MAP3K19: variants seen among roughly 807,000 people sequenced by gnomAD.
The protein encoded by MAP3K19 is mitogen-activated protein kinase kinase kinase 19, also known as SPS1/STE20-related protein kinase YSK4.
In MAP3K19, 91 loss-of-function variants were observed where a neutral mutation model predicts 114.4. The observed-to-expected ratio is 0.80, with a 90% confidence interval of 0.67 to 0.95. The LOEUF (loss-of-function observed/expected upper bound fraction) is 0.95. Among genes scored for constraint, MAP3K19 ranks in the 40% least tolerant of loss-of-function variants. MAP3K19 has a pLI of 0.00. For synonymous variants in MAP3K19, 518 were observed against 530.5 expected (o/e 0.98, Z 0.32); for missense variants, 1,471 against 1,573.2 (o/e 0.94, Z 1.10).
rs1339395601 is a variant in MAP3K19, at chr2:134,999,081, T to C, written c.315-84A>G. On this transcript the variant is annotated intron_variant, in intron 7 of 12. Coordinates refer to ENST00000392915, the MANE Select transcript of MAP3K19 (RefSeq NM_025052.5). The surrounding 1 kb of genome is among the most constrained non-coding windows in gnomAD (Gnocchi z 4.1). ...AGTCCTCAGTTCAGCCTGACATCAC[T>C]AGAAAGTTTGAAGAACTACTTCCAA... 1.4e-6 allele frequency: 2 copies of C among 1,456,790 alleles called. No homozygotes were observed. The highest frequency in any genetic ancestry group is 2.1e-5 in the Admixed American group (1 of 46,850). 90.2% of individuals were successfully genotyped at this position (1,456,790 alleles called of 1,614,324 possible). A position where few individuals can be genotyped will look rare whatever the true frequency, so the allele number is the denominator to read the frequency against.
intron 5 of MAP3K19, among the ~76,000 whole-genome samples, chr2:135,018,155 G>T (rs1352063144): frequency 3.3e-5 from 5 of 151,956 alleles, no homozygotes; most frequent in Non-Finnish European, 1.5e-5. Context: ...GCCGGGCATG[G>T]TGGCCCATGC....
At chr2:135,039,980 CCT>C (rs753786005) in intron 2 of MAP3K19, among the ~76,000 whole-genome samples, 6 of 152,122 alleles carry the variant, frequency 3.9e-5, no homozygotes, top group South Asian at 2.1e-4. Context: ...CGTATTTACC[CCT>C]GTTTCCCTAC....
At chr2:135,025,749 T>C (rs1688236795) in intron 3 of MAP3K19, among the ~76,000 whole-genome samples, 1 of 152,174 alleles carries the variant, frequency 6.6e-6, no homozygotes, top group African/African-American at 2.4e-5. Context: ...CTGGCTGATC[T>C]TAGGACCATT....
intron 6 of MAP3K19, 126 bp from the exon 7 acceptor site, chr2:135,000,141 G>A: frequency 4.5e-6 from 3 of 667,994 alleles, no homozygotes; most frequent in Non-Finnish European, 8.0e-6. Context: ...TTAATCAGGA[G>A]CTGAGGTTTA....
chr2:135,039,309 G>A (rs1688599698), intron 2 of MAP3K19, among the ~76,000 whole-genome samples: 1 of 152,080 alleles, frequency 6.6e-6, no homozygotes, highest in African/African-American at 2.4e-5. Flanking sequence ...CTGGCCAGGT[G>A]CAGTGGCCCA....
At chr2:134,984,767 G>A (rs542652512) in intron 10 of MAP3K19, among the ~76,000 whole-genome samples, 1 of 152,146 alleles carries the variant, frequency 6.6e-6, no homozygotes, top group South Asian at 2.1e-4. Context: ...GCCTGGCCAA[G>A]ATGGTGAAAT....
At chr2:135,045,276 T>C (rs1460353396) in intron 1 of MAP3K19, among the ~76,000 whole-genome samples, 1 of 152,206 alleles carries the variant, frequency 6.6e-6, no homozygotes, top group African/African-American at 2.4e-5. Context: ...ATTATCTTAA[T>C]CATTAGCATT....
At chr2:135,033,691 G>A (rs1239927521) in intron 2 of MAP3K19, among the ~76,000 whole-genome samples, 3 of 84,012 alleles carry the variant, frequency 3.6e-5, no homozygotes, top group African/African-American at 1.6e-4. Flanking sequence ...GCGGCCGGCC[G>A]GGGGGGCTAA....
chr2:135,031,937 A>C (rs974202373), intron 2 of MAP3K19, among the ~76,000 whole-genome samples: 11 of 152,196 alleles, frequency 7.2e-5, no homozygotes, highest in Non-Finnish European at 1.3e-4. Flanking sequence ...TGTCTGAAGC[A>C]ATGGAACAGC....
In MAP3K19 at chr2:134,986,272, T is replaced by C; in HGVS notation, c.2600A>G (p.Tyr867Cys). The C allele has an allele frequency of 1.9e-6, 3 of 1,614,094 alleles. No individual in the cohort carries two copies. Among genetic ancestry groups the C allele is most frequent in the Middle Eastern group, 1.6e-4 (1 of 6,062 alleles). Residue 867 changes from tyrosine (Y) to cysteine (C), a missense_variant, in exon 10 of 13, where the codon TAT becomes TGT. Coordinates refer to ENST00000392915, the MANE Select transcript of MAP3K19 (RefSeq NM_025052.5). ...TGTATTCTGCTTTTCTTGCTGTACA[T>C]ACTTGTTAGAATTCTTCTCACTGGG... Reference protein sequence around the residue: ...AVPSEKNSNKYVQQEKQNTAS... With the variant: ...AVPSEKNSNKCVQQEKQNTAS...
chr2:135,013,192 T>C (rs1687353465), intron 5 of MAP3K19, among the ~76,000 whole-genome samples: 1 of 151,844 alleles, frequency 6.6e-6, no homozygotes, highest in Admixed American at 6.6e-5. Context: ...TGGTGGTGCA[T>C]GCCTGTAACC....
chr2:135,031,467 GAGA>G (rs991379765), intron 2 of MAP3K19, among the ~76,000 whole-genome samples: 7 of 152,190 alleles, frequency 4.6e-5, no homozygotes, highest in African/African-American at 1.7e-4. Context: ...AGAAAAGGAA[GAGA>G]AGGAGATGTG....
chr2:134,983,490 C>A, intron 11 of MAP3K19, 186 bp downstream of exon 11: 2 of 600,552 alleles, frequency 3.3e-6, no homozygotes, highest in South Asian at 2.0e-5. Flanking sequence ...ACCTTTCAGT[C>A]GGATAAAGCA....
At chr2:135,011,938 T>C (rs932389091) in intron 5 of MAP3K19, among the ~76,000 whole-genome samples, 1 of 152,216 alleles carries the variant, frequency 6.6e-6, no homozygotes, top group African/African-American at 2.4e-5. Context: ...TGTATTAATA[T>C]GAAGTGATAT....
At chr2:135,035,166 G>A (rs1688499811) in intron 2 of MAP3K19, among the ~76,000 whole-genome samples, 1 of 152,098 alleles carries the variant, frequency 6.6e-6, no homozygotes, top group African/African-American at 2.4e-5. Context: ...GGAGGCCGAA[G>A]CAGGTGGATC....
intron 8 of MAP3K19, among the ~76,000 whole-genome samples, chr2:134,996,795 G>A (rs996487803): frequency 6.6e-6 from 1 of 152,192 alleles, no homozygotes; most frequent in African/African-American, 2.4e-5. Flanking sequence ...AGCACTTTGG[G>A]AGGCCAAGAT....
chr2:135,036,990 T>G (rs1036906949), intron 2 of MAP3K19, among the ~76,000 whole-genome samples: 2 of 137,770 alleles, frequency 1.5e-5, no homozygotes, highest in African/African-American at 6.5e-5. Context: ...GATAAACCAG[T>G]AAAACATTCT....
chr2:135,021,405 C>A (rs1236901121), intron 5 of MAP3K19, among the ~76,000 whole-genome samples: 1 of 151,776 alleles, frequency 6.6e-6, no homozygotes, highest in African/African-American at 2.4e-5. Flanking sequence ...AAATAAATTT[C>A]TGTTTATAAG....
chr2:135,029,012 C>A (rs1447085806), intron 3 of MAP3K19, among the ~76,000 whole-genome samples: 1 of 152,118 alleles, frequency 6.6e-6, no homozygotes, highest in Non-Finnish European at 1.5e-5. Flanking sequence ...AGGTATAGAT[C>A]CAGTTACAGG....
Sources: gnomAD v4.1 joint callset for allele counts (sites outside exome capture counted in the v4.1 genomes callset) on GRCh38, gnomAD v4.1.1 for gene constraint, Gnocchi (gnomAD v3.1) non-coding constraint, MANE v1.5 for transcripts, NCBI Gene and HGNC (gene_info 2026-07-23, HGNC 2026-07-21) for gene names.